The following CTNNA3 variants were observed in gnomAD, a reference collection of about 807,000 sequenced individuals.
CTNNA3 encodes catenin alpha-3.
Under a neutral mutation model 95.7 loss-of-function variants are expected in CTNNA3, and 76 were observed. That is an observed-to-expected ratio of 0.79 (90% confidence interval 0.66 to 0.96). The LOEUF is 0.96. CTNNA3 is among the 40% of genes least tolerant of loss of function. CTNNA3 has a pLI of 0.00. For missense variants in CTNNA3, 1,191 were observed against 1,089.8 expected (o/e 1.09, Z -1.31); for synonymous variants, 431 against 374.4 (o/e 1.15, Z -1.74).
intron 7 of CTNNA3, chr10:67,176,836 G>A (rs146836365): frequency 2.7e-5 from 12 of 438,072 alleles, no homozygotes; most frequent in Middle Eastern, 3.4e-4. Context: ...GAGGCAGAGG[G>A]CCATGAGCCA....
intron 13 of CTNNA3, among the ~76,000 whole-genome samples, chr10:66,183,930 T>A (rs2086185932): frequency 6.6e-6 from 1 of 152,226 alleles, no homozygotes; most frequent in Non-Finnish European, 1.5e-5. Context: ...AAGGTGTTTT[T>A]TTAATATATT....
chr10:67,566,449 T>G (rs920920674), intron 3 of CTNNA3, among the ~76,000 whole-genome samples: 2 of 151,696 alleles, frequency 1.3e-5, no homozygotes, highest in African/African-American at 4.8e-5. Flanking sequence ...ATCAGAGAAA[T>G]GCAAATCAAA....
rs534197631 is a variant in CTNNA3, at chr10:67,007,309, A to G, written c.1047+173008T>C. 5.9e-5 allele frequency among the ~76,000 whole-genome samples: 9 copies of G among 152,114 alleles called. 1 individual carries two copies. The highest frequency in any genetic ancestry group is 1.7e-4 in the African/African-American group (7 of 41,510). ...AATTGGCTCTTTTTCCTCTCCCACTATTTGGATATTGAAATTAAAGTAGCT... is the reference window on the plus strand; with the variant it reads ...AATTGGCTCTTTTTCCTCTCCCACTGTTTGGATATTGAAATTAAAGTAGCT... On this transcript the variant is annotated intron_variant, in intron 7 of 17. Coordinates refer to ENST00000433211, the MANE Select transcript of CTNNA3 (RefSeq NM_013266.4).
chr10:66,613,468 T>C (rs549511697), intron 10 of CTNNA3, among the ~76,000 whole-genome samples: 31 of 152,002 alleles, frequency 2.0e-4, no homozygotes, highest in Non-Finnish European at 3.4e-4. Context: ...AGTGGCTGTG[T>C]AATTGGAACA....
chr10:67,199,205 TAATA>T (rs1863520542), intron 6 of CTNNA3, among the ~76,000 whole-genome samples: 1 of 152,146 alleles, frequency 6.6e-6, no homozygotes, highest in Non-Finnish European at 1.5e-5. Context: ...ACACTGCAAG[TAATA>T]AAACCAATAC....
At chr10:66,048,115 A>G (rs1310038188) in intron 15 of CTNNA3, among the ~76,000 whole-genome samples, 1 of 152,054 alleles carries the variant, frequency 6.6e-6, no homozygotes. Context: ...ACAGAACTAG[A>G]AAAAAAACTA....
intron 9 of CTNNA3, among the ~76,000 whole-genome samples, chr10:66,719,308 T>A (rs1326596169): frequency 1.3e-5 from 2 of 152,050 alleles, no homozygotes; most frequent in Non-Finnish European, 2.9e-5. Flanking sequence ...ACATACAGAG[T>A]ATCTGATTTA....
At chr10:67,756,548 G>A (rs1249581686) in intron 1 of CTNNA3, among the ~76,000 whole-genome samples, 1 of 152,038 alleles carries the variant, frequency 6.6e-6, no homozygotes, top group East Asian at 1.9e-4. Context: ...CTGTAACATG[G>A]ATAAACCTTG....
intron 13 of CTNNA3, among the ~76,000 whole-genome samples, chr10:66,156,621 AAGGAAAAAAAAAC>A (rs2084520584): frequency 6.6e-6 from 1 of 151,512 alleles, no homozygotes; most frequent in Admixed American, 6.6e-5. Context: ...GGTGAAAATG[AAGGAAAAAAAAAC>A]AGTAGTGAAC....
chr10:66,516,850 G>A (rs1196795181), intron 11 of CTNNA3, among the ~76,000 whole-genome samples: 1 of 152,152 alleles, frequency 6.6e-6, no homozygotes, highest in East Asian at 1.9e-4. Context: ...ATTGTGTTGT[G>A]TAATGTTTGG....
At chr10:67,549,987 G>T (rs1010900708) in intron 3 of CTNNA3, among the ~76,000 whole-genome samples, 1 of 152,150 alleles carries the variant, frequency 6.6e-6, no homozygotes, top group Non-Finnish European at 1.5e-5. Context: ...TTCATAATCT[G>T]TTTTTTTAAA....
chr10:67,115,001 A>T (rs939365525), intron 7 of CTNNA3, among the ~76,000 whole-genome samples: 4 of 152,154 alleles, frequency 2.6e-5, no homozygotes, highest in Non-Finnish European at 5.9e-5. Flanking sequence ...AGAATCCTAT[A>T]TAGCATGTCT....
chr10:65,961,233 C>T (rs1378784517), intron 17 of CTNNA3, among the ~76,000 whole-genome samples: 1 of 152,022 alleles, frequency 6.6e-6, no homozygotes, highest in Admixed American at 6.6e-5. Context: ...TCTTTTATTC[C>T]TTTCAACTTC....
chr10:67,412,520 C>G (rs1845404454), intron 5 of CTNNA3, among the ~76,000 whole-genome samples: 1 of 151,988 alleles, frequency 6.6e-6, no homozygotes. Flanking sequence ...CAGCCAGATA[C>G]TATACAAGAT....
intron 7 of CTNNA3, among the ~76,000 whole-genome samples, chr10:67,113,957 C>G (rs750683075): frequency 2.0e-5 from 3 of 152,004 alleles, no homozygotes; most frequent in Non-Finnish European, 4.4e-5. Flanking sequence ...GTGGTGCACA[C>G]CTGTAGTCCC....
chr10:67,103,856 G>A (rs1441876504), intron 7 of CTNNA3, among the ~76,000 whole-genome samples: 1 of 151,580 alleles, frequency 6.6e-6, no homozygotes, highest in Non-Finnish European at 1.5e-5. Flanking sequence ...ATCTTACACT[G>A]TGTAGAGACT....
chr10:67,068,361 G>C (rs1856220904), intron 7 of CTNNA3, among the ~76,000 whole-genome samples: 1 of 152,154 alleles, frequency 6.6e-6, no homozygotes, highest in Admixed American at 6.5e-5. Flanking sequence ...TTGGGGGAAA[G>C]GTAGGAATTC....
chr10:66,694,029 C>A (rs973349606), intron 9 of CTNNA3, among the ~76,000 whole-genome samples: 29 of 151,918 alleles, frequency 1.9e-4, no homozygotes, highest in Non-Finnish European at 4.1e-4. Flanking sequence ...AAAATTGACA[C>A]CCTAACACCA....
At chr10:67,230,380 C>T (rs1336533848) in intron 5 of CTNNA3, among the ~76,000 whole-genome samples, 2 of 152,136 alleles carry the variant, frequency 1.3e-5, no homozygotes, top group Non-Finnish European at 2.9e-5. Flanking sequence ...TATACGATAA[C>T]ATTGGCTTAG....
Sources: gnomAD v4.1 joint callset for allele counts (sites outside exome capture counted in the v4.1 genomes callset) on GRCh38, gnomAD v4.1.1 for gene constraint, MANE v1.5 for transcripts, NCBI Gene and HGNC (gene_info 2026-07-23, HGNC 2026-07-21) for gene names.